Variants in EIF4G3 observed in about 807,000 individuals in gnomAD.
EIF4G3 encodes the protein eukaryotic translation initiation factor 4 gamma 3.
Under a neutral mutation model 186.4 loss-of-function variants are expected in EIF4G3, and 34 were observed. The observed-to-expected ratio is 0.18, with a 90% CI of 0.14 to 0.24. EIF4G3 has a LOEUF of 0.24. EIF4G3 is among the 10% of genes least tolerant of loss of function. EIF4G3 has a pLI of 1.00. For synonymous variants in EIF4G3, 673 were observed against 679.5 expected (o/e 0.99, Z 0.15); for missense variants, 1,536 against 1,948.5 (o/e 0.79, Z 3.99).
chr1:20,841,579 T>C (rs1269228945), intron 29 of EIF4G3, among the ~76,000 whole-genome samples: 1 of 152,224 alleles, frequency 6.6e-6, no homozygotes, highest in Non-Finnish European at 1.5e-5. Context: ...TCTTCCTTCA[T>C]ATGAAAGTTA....
At chr1:20,989,076 GGGAGGGGAGAGGAGA>G (rs2080324660) in intron 7 of EIF4G3, among the ~76,000 whole-genome samples, 1 of 39,518 alleles carries the variant, frequency 2.5e-5, no homozygotes, top group African/African-American at 8.2e-5. Flanking sequence ...GGGAGGGGAG[GGGAGGGGAGAGGAGA>G]GGAGAGGAGA....
intron 23 of EIF4G3, among the ~76,000 whole-genome samples, chr1:20,861,581 T>C (rs1238933384): frequency 6.6e-6 from 1 of 152,174 alleles, no homozygotes; most frequent in Non-Finnish European, 1.5e-5. Flanking sequence ...GTTAAAGGTA[T>C]TTACTGTGGA....
intron 30 of EIF4G3, among the ~76,000 whole-genome samples, chr1:20,831,517 C>A (rs1160304046): frequency 6.6e-6 from 1 of 150,742 alleles, no homozygotes; most frequent in African/African-American, 2.4e-5. Flanking sequence ...CCAACCTGAT[C>A]GATTCTTTGC....
At chr1:20,817,105 C>T (rs1017355817) in intron 34 of EIF4G3, among the ~76,000 whole-genome samples, 10 of 138,042 alleles carry the variant, frequency 7.2e-5, no homozygotes, top group Non-Finnish European at 1.6e-4. Context: ...ACAAACACTG[C>T]GGAAGGCCGC....
Position 20,887,412 on chromosome 1 carries a change from C to G in EIF4G3, c.2254-1041G>C, listed in dbSNP as rs2084556005. ...TAATGTCATTCATTACATAAAAATA[C>G]AGTTTCTAGGCGATAACACAGTCTG... On this transcript the variant is annotated intron_variant, in intron 18 of 36. Transcript: ENST00000602326. Among the ~76,000 whole-genome samples, 8 of 152,076 alleles carry G rather than the reference C, an allele frequency of 5.3e-5. 1 individual carries two copies. Among genetic ancestry groups the G allele is most frequent in the Admixed American group, 5.2e-4 (8 of 15,276 alleles).
At chr1:20,955,882 G>T (rs1203074509) in intron 12 of EIF4G3, among the ~76,000 whole-genome samples, 1 of 152,148 alleles carries the variant, frequency 6.6e-6, no homozygotes, top group Non-Finnish European at 1.5e-5. Flanking sequence ...GGAAAACCAT[G>T]AACTCCAGTT....
intron 12 of EIF4G3, among the ~76,000 whole-genome samples, chr1:20,958,951 A>G (rs781035524): frequency 6.6e-6 from 1 of 152,196 alleles, no homozygotes; most frequent in Non-Finnish European, 1.5e-5. Context: ...GGAAGAATCA[A>G]TGTTGTGAAA....
rs556405763 is a variant in EIF4G3, at chr1:21,150,482, C to T, written c.-272+25693G>A. Among the ~76,000 whole-genome samples the T allele has an allele frequency of 3.3e-5, 5 of 152,236 alleles. No individual in the cohort carries two copies. In the South Asian group the frequency reaches 1.0e-3, roughly 32 times the overall value. On this transcript the variant is annotated intron_variant, in intron 2 of 36. Transcript: ENST00000602326. ...TACTGACACTATGGGGAAAACAATGCTTAATGAGTTTAGTTTTCTACTCAA... is the reference window on the plus strand; with the variant it reads ...TACTGACACTATGGGGAAAACAATGTTTAATGAGTTTAGTTTTCTACTCAA...
At chr1:21,000,474 A>ACCTCTC (rs1317230299) in intron 6 of EIF4G3, among the ~76,000 whole-genome samples, 8 of 152,080 alleles carry the variant, frequency 5.3e-5, no homozygotes, top group African/African-American at 1.9e-4. Flanking sequence ...GTAACAGCTT[A>ACCTCTC]CCTCTCCTCA....
intron 14 of EIF4G3, among the ~76,000 whole-genome samples, chr1:20,929,182 C>A (rs10916906): frequency 0.31 from 46,954 of 151,922 alleles, 8,110 homozygotes; most frequent in Non-Finnish European, 0.39. Context: ...TTTTCCCCCC[C>A]ATTCTTCTGA....
chr1:20,890,726 G>A (rs2085739108), intron 18 of EIF4G3, among the ~76,000 whole-genome samples: 2 of 152,202 alleles, frequency 1.3e-5, no homozygotes, highest in Admixed American at 1.3e-4. Flanking sequence ...AAAGTGCTGG[G>A]ATTACAGGCA....
intron 3 of EIF4G3, among the ~76,000 whole-genome samples, chr1:21,084,998 T>C (rs1047011412): frequency 6.6e-6 from 1 of 151,768 alleles, no homozygotes. Context: ...GCTTAAGTAT[T>C]CAATGCTGAG....
chr1:21,019,380 G>A (rs1322479534), intron 4 of EIF4G3, among the ~76,000 whole-genome samples: 1 of 152,122 alleles, frequency 6.6e-6, no homozygotes, highest in East Asian at 1.9e-4. Flanking sequence ...AAGTAGAGCT[G>A]TTTAAACAAT....
rs942371762 is a variant in EIF4G3 at position 21,006,062 on chromosome 1, A to G, written c.-66-3254T>C. On this transcript the variant is annotated intron_variant, in intron 4 of 36. Transcript: ENST00000602326. ...GGCACATGACAAAGAAATTTTGCCA[A>G]TAGATCATTCAACGATCGTTCAGAG... 2.0e-5 allele frequency among the ~76,000 whole-genome samples: 3 copies of G among 152,178 alleles called. No homozygotes were observed. In the East Asian group the frequency reaches 5.8e-4, roughly 29 times the overall value.
intron 7 of EIF4G3, among the ~76,000 whole-genome samples, chr1:20,991,812 A>G (rs993665782): frequency 1.3e-5 from 2 of 152,168 alleles, no homozygotes; most frequent in Admixed American, 6.5e-5. Context: ...TACTTCACTC[A>G]TGCTAAAAAA....
chr1:20,887,583 C>A (rs896963798), intron 18 of EIF4G3, among the ~76,000 whole-genome samples: 2 of 151,762 alleles, frequency 1.3e-5, no homozygotes, highest in South Asian at 2.1e-4. Flanking sequence ...AAATTTCACA[C>A]CAATCTTGTC....
chr1:21,051,340 A>G (rs2094202011), intron 3 of EIF4G3, among the ~76,000 whole-genome samples: 2 of 152,174 alleles, frequency 1.3e-5, no homozygotes, highest in Non-Finnish European at 2.9e-5. Flanking sequence ...AATGGTTGAA[A>G]GAGGAAGGAG....
rs147430254 is a variant in EIF4G3, at chr1:21,128,141, A to G, written c.-271-38928T>C. Among the ~76,000 whole-genome samples the G allele has an allele frequency of 1.7e-3, 261 of 151,384 alleles. 8 individuals carry two copies. In the East Asian group the frequency reaches 0.045, roughly 26 times the overall value. Reference sequence around the variant, plus strand: ...AGAATGGTGTGAACCTGGGAGGTGGAGCTTGCAGTGAGCCAAGATCGAGCC... The same window carrying G: ...AGAATGGTGTGAACCTGGGAGGTGGGGCTTGCAGTGAGCCAAGATCGAGCC... On this transcript the variant is annotated intron_variant, in intron 2 of 36. Coordinates refer to ENST00000602326, the MANE Select transcript of EIF4G3 (RefSeq NM_001391906.1).
intron 2 of EIF4G3, among the ~76,000 whole-genome samples, chr1:21,125,771 TACACACAC>T (rs59291288): frequency 0.31 from 45,543 of 145,930 alleles, 7,897 homozygotes; most frequent in Non-Finnish European, 0.4. Context: ...TATATATATA[TACACACAC>T]ACACACACAC....
Sources: allele counts gnomAD v4.1 joint callset (sites outside exome capture counted in the v4.1 genomes callset), GRCh38; gene constraint gnomAD v4.1.1; transcripts MANE v1.5; gene names NCBI Gene and HGNC (gene_info 2026-07-23, HGNC 2026-07-21).